CADM2: variants seen among roughly 807,000 people sequenced by gnomAD.
CADM2 encodes the protein cell adhesion molecule 2.
CADM2 carries 12 observed loss-of-function variants against 49.8 expected under a neutral mutation model. The observed-to-expected ratio is 0.24, with a 90% CI of 0.15 to 0.39. The LOEUF (loss-of-function observed/expected upper bound fraction) is 0.39, where lower values mean the gene tolerates loss of function less well. Among genes scored for constraint, CADM2 ranks in the 10% least tolerant of loss-of-function variants. The probability of loss-of-function intolerance (pLI) is 1.00; values close to 1 mark genes in which losing one functional copy is unlikely to be tolerated. For synonymous variants in CADM2, 214 were observed against 175.4 expected (o/e 1.22, Z -1.74); for missense variants, 378 against 492.3 (o/e 0.77, Z 2.20).
At chr3:85,548,351 A>G (rs972635176) in intron 1 of CADM2, among the ~76,000 whole-genome samples, 19 of 150,164 alleles carry the variant, frequency 1.3e-4, no homozygotes, top group Non-Finnish European at 2.2e-4. Flanking sequence ...AACATGCCAT[A>G]GTCTAAGATG....
chr3:85,543,437 T>TGTGTGG (rs1327213212), intron 1 of CADM2, among the ~76,000 whole-genome samples: 2 of 150,670 alleles, frequency 1.3e-5, no homozygotes, highest in Non-Finnish European at 3.0e-5. Context: ...TGTGTGTGTG[T>TGTGTGG]GTGTGTGTGT....
At chr3:86,039,484 C>T (rs769024284) in intron 8 of CADM2, among the ~76,000 whole-genome samples, 30 of 152,164 alleles carry the variant, frequency 2.0e-4, no homozygotes, top group Admixed American at 2.0e-4. Flanking sequence ...CCTCACTCAT[C>T]GCTAGCACAG....
chr3:85,103,218 G>A (rs2038075767), intron 1 of CADM2, among the ~76,000 whole-genome samples: 1 of 152,100 alleles, frequency 6.6e-6, no homozygotes, highest in South Asian at 2.1e-4. Context: ...ACAGATCAGA[G>A]GTTTCAGATG....
chr3:85,468,869 GC>G (rs2038640486), intron 1 of CADM2, among the ~76,000 whole-genome samples: 1 of 152,160 alleles, frequency 6.6e-6, no homozygotes, highest in Non-Finnish European at 1.5e-5. Flanking sequence ...CTTATTGGCA[GC>G]CCCTGGGAGA....
intron 1 of CADM2, among the ~76,000 whole-genome samples, chr3:85,543,038 G>C (rs1406788725): frequency 6.6e-6 from 1 of 152,094 alleles, no homozygotes. Context: ...TTATATGGTA[G>C]AAAATCTAGA....
chr3:85,407,601 G>T (rs1340606868), intron 1 of CADM2, among the ~76,000 whole-genome samples: 1 of 152,150 alleles, frequency 6.6e-6, no homozygotes, highest in Non-Finnish European at 1.5e-5. Context: ...CCGAAGGAAA[G>T]TTAATGGGTC....
chr3:85,678,942 C>A (rs186966406), intron 1 of CADM2, among the ~76,000 whole-genome samples: 92 of 152,176 alleles, frequency 6.0e-4, no homozygotes, highest in African/African-American at 2.1e-3. Flanking sequence ...ATTCATAGGG[C>A]AGCCCCCCAC....
At chr3:85,426,664 A>G (rs1160518241) in intron 1 of CADM2, among the ~76,000 whole-genome samples, 1 of 152,106 alleles carries the variant, frequency 6.6e-6, no homozygotes, top group African/African-American at 2.4e-5. Context: ...TTTAAAATGT[A>G]CAATTAAGTT....
At chr3:85,179,808 C>A (rs1025403228) in intron 1 of CADM2, among the ~76,000 whole-genome samples, 4 of 152,022 alleles carry the variant, frequency 2.6e-5, no homozygotes, top group Non-Finnish European at 4.4e-5. Flanking sequence ...GCGAAGCCAA[C>A]CTTTTTAATA....
intron 7 of CADM2, among the ~76,000 whole-genome samples, chr3:85,950,809 AT>A (rs1331492716): frequency 3.3e-5 from 5 of 151,142 alleles, no homozygotes; most frequent in Non-Finnish European, 5.9e-5. Context: ...CTAACCGATA[AT>A]GTAATGAGAC....
At chr3:85,156,782 A>G (rs1225497704) in intron 1 of CADM2, among the ~76,000 whole-genome samples, 1 of 152,212 alleles carries the variant, frequency 6.6e-6, no homozygotes, top group Non-Finnish European at 1.5e-5. Context: ...CTGGCACAAG[A>G]CAGGGATGCC....
chr3:85,352,466 G>C (rs887504515), intron 1 of CADM2, among the ~76,000 whole-genome samples: 4 of 151,994 alleles, frequency 2.6e-5, no homozygotes, highest in African/African-American at 9.7e-5. Flanking sequence ...TTATCACATT[G>C]GGAAGCGAGG....
At chr3:85,087,364 A>G (rs576703619) in intron 1 of CADM2, among the ~76,000 whole-genome samples, 1 of 152,296 alleles carries the variant, frequency 6.6e-6, no homozygotes, top group Non-Finnish European at 1.5e-5. Flanking sequence ...TGTAAACAAT[A>G]TTATGTAACA....
chr3:85,377,878 AT>A (rs1363908596), intron 1 of CADM2, among the ~76,000 whole-genome samples: 1 of 152,052 alleles, frequency 6.6e-6, no homozygotes, highest in Non-Finnish European at 1.5e-5. Flanking sequence ...CCATCAGAAA[AT>A]CAAAATTCGA....
At chr3:85,494,710 T>G (rs988753672) in intron 1 of CADM2, among the ~76,000 whole-genome samples, 1 of 152,230 alleles carries the variant, frequency 6.6e-6, no homozygotes, top group Non-Finnish European at 1.5e-5. Context: ...TATTTTAATC[T>G]TAATTAAAAA....
Position 85,103,574 on chromosome 3 carries a change from A to G in CADM2, c.61+143906A>G, listed in dbSNP as rs754946974. On this transcript the variant is annotated intron_variant, in intron 1 of 9. Transcript: ENST00000383699. The stretch of plus-strand genomic sequence containing the variant: ...TTGCCAAATGTAATAATGGAGGCAC[A>G]GAATAACCGAATGGGAGTTCAGAAG... 9.3e-4 allele frequency among the ~76,000 whole-genome samples: 141 copies of G among 152,330 alleles called. 5 individuals are homozygous for G. The Middle Eastern group carries it at 0.031, about 33-fold the overall frequency.
intron 1 of CADM2, among the ~76,000 whole-genome samples, chr3:85,136,335 ATGTG>A (rs5850671): frequency 1.8e-4 from 27 of 149,142 alleles, no homozygotes; most frequent in Non-Finnish European, 2.8e-4. Context: ...GTACTGAGTA[ATGTG>A]TGTGTGTGTG....
intron 1 of CADM2, among the ~76,000 whole-genome samples, chr3:85,476,629 C>T (rs2107618550): frequency 1.3e-5 from 2 of 151,880 alleles, no homozygotes; most frequent in South Asian, 4.2e-4. Flanking sequence ...AAAGCAAATT[C>T]TGCAAACCGC....
intron 1 of CADM2, among the ~76,000 whole-genome samples, chr3:85,046,422 T>C (rs2035659114): frequency 6.7e-6 from 1 of 149,258 alleles, no homozygotes; most frequent in East Asian, 2.0e-4. Context: ...TCCCACGGGG[T>C]CAATTATAGT....
Sources: allele counts gnomAD v4.1 joint callset (sites outside exome capture counted in the v4.1 genomes callset), GRCh38; gene constraint gnomAD v4.1.1; transcripts MANE v1.5; gene names NCBI Gene and HGNC (gene_info 2026-07-23, HGNC 2026-07-21).